Variants in CDK15 observed in about 807,000 individuals in gnomAD.
CDK15 encodes cyclin-dependent kinase 15.
In CDK15, 62 loss-of-function variants were observed where a neutral mutation model predicts 60.3. The observed-to-expected ratio is 1.03, with a 90% CI of 0.84 to 1.27. CDK15 has a LOEUF of 1.27. CDK15 is among the 50% of genes most tolerant of loss of function. The probability of loss-of-function intolerance (pLI) is 0.00; values close to 1 mark genes in which losing one functional copy is unlikely to be tolerated. For missense variants in CDK15, 541 were observed against 527.8 expected (o/e 1.03, Z -0.25); for synonymous variants, 194 against 195.7 (o/e 0.99, Z 0.07).
rs1174221212 is a variant in CDK15, at chr2:201,806,601, A to T, written c.-64A>T. 2.0e-6 allele frequency: 3 copies of T among 1,487,308 alleles called. No homozygotes were observed. In the African/African-American group the frequency reaches 4.1e-5, roughly 20 times the overall value. 92.1% of individuals were successfully genotyped at this position (1,487,308 alleles called of 1,614,324 possible). A position where few individuals can be genotyped will look rare whatever the true frequency, so the allele number is the denominator to read the frequency against. On this transcript the variant is annotated 5_prime_UTR_variant, in exon 1 of 14. Transcript: ENST00000652192. ...GACCTCTGGCAAAAAGGGAGAGAAC[A>T]AGGATAGGAGAGGCAGTGGGGGAAA...
At position 201,855,244 on chromosome 2, in the gene CDK15, A is replaced by G. The variant is rs558754256; in HGVS notation, c.1009+307A>G. On this transcript the variant is annotated intron_variant, in intron 10 of 13. Transcript: ENST00000652192. ...ATGGCTCAAAAGAACAACTCAAAAG[A>G]TGGGCTCACTTTTGGGCCCCCTGAC... 2.6e-5 allele frequency among the ~76,000 whole-genome samples: 4 copies of G among 152,328 alleles called. No homozygotes were observed. In the East Asian group the frequency reaches 7.7e-4, roughly 29 times the overall value.
chr2:201,834,123 A>T lies in CDK15; in HGVS notation c.730+152A>T, dbSNP rs542148995. On this transcript the variant is annotated intron_variant, in intron 7 of 13. Coordinates refer to ENST00000652192, the MANE Select transcript of CDK15 (RefSeq NM_001366386.2). Reference sequence around the variant, plus strand: ...ATCAAACTACCACAAAGGAAGTGTGAGGCACGAAACAGGGAGGGATTGGTA... The same window carrying T: ...ATCAAACTACCACAAAGGAAGTGTGTGGCACGAAACAGGGAGGGATTGGTA... 91 of 1,013,942 alleles carry T rather than the reference A, an allele frequency of 9.0e-5. No individual in the cohort carries two copies. The African/African-American group carries it at 1.3e-3, about 14-fold the overall frequency. 62.8% of individuals were successfully genotyped at this position (1,013,942 alleles called of 1,614,324 possible).
intron 4 of CDK15, among the ~76,000 whole-genome samples, chr2:201,815,473 TC>T (rs1695950413): frequency 6.6e-6 from 1 of 152,148 alleles, no homozygotes; most frequent in South Asian, 2.1e-4. Context: ...CCACCCTCAT[TC>T]CTTTGCTAAT....
At chr2:201,871,348 T>A (rs1416112299) in intron 10 of CDK15, among the ~76,000 whole-genome samples, 1 of 151,924 alleles carries the variant, frequency 6.6e-6, no homozygotes, top group Non-Finnish European at 1.5e-5. Context: ...CAGGTCTCAC[T>A]ATGTTGTCCA....
Position 201,818,914 on chromosome 2 carries a change from A to G in CDK15, c.449-3895A>G, listed in dbSNP as rs529762113. ...ACCACTAATTTAAAGATAAATATTT[A>G]TTGAGTGCCAGACATTGTTCCAGGC... On this transcript the variant is annotated intron_variant, in intron 4 of 13. Transcript: ENST00000652192. Among the ~76,000 whole-genome samples, 10 of 152,328 alleles carry G rather than the reference A, an allele frequency of 6.6e-5. No homozygotes were observed. In the South Asian group the frequency reaches 2.1e-3, roughly 32 times the overall value.
intron 10 of CDK15, among the ~76,000 whole-genome samples, chr2:201,863,388 T>TA (rs974192060): frequency 5.7e-4 from 86 of 149,892 alleles, no homozygotes; most frequent in Non-Finnish European, 8.5e-4. Context: ...ATTTATTAAT[T>TA]AAAAAATAAT....
intron 6 of CDK15, among the ~76,000 whole-genome samples, chr2:201,829,572 T>C (rs1173123817): frequency 6.6e-6 from 1 of 152,120 alleles, no homozygotes; most frequent in Non-Finnish European, 1.5e-5. Flanking sequence ...GAGGTGATTA[T>C]GGGATGTACA....
chr2:201,844,923 C>T (rs1414383081), intron 8 of CDK15, among the ~76,000 whole-genome samples: 2 of 152,026 alleles, frequency 1.3e-5, no homozygotes, highest in African/African-American at 4.8e-5. Flanking sequence ...CTGAGGCAGG[C>T]GGATCAATTG....
At chr2:201,833,755 A>G in intron 6 of CDK15, 93 bp from the exon 7 acceptor site, 1 of 1,091,116 alleles carries the variant, frequency 9.2e-7, no homozygotes, top group Non-Finnish European at 1.2e-6. Context: ...AGACACTTTT[A>G]CTATATTCTT....
rs1170971657 is a variant in CDK15, at chr2:201,823,741, G to A, written c.606+14G>A. 1 of 1,612,188 alleles carries A rather than the reference G, an allele frequency of 6.2e-7. No individual in the cohort carries two copies. The highest frequency in any genetic ancestry group is 1.1e-5 in the South Asian group (1 of 91,034). The stretch of plus-strand genomic sequence containing the variant: ...CATAATGTCAGAGTGAGTACGTTAA[G>A]GGTCAGGACCCTCTCCTGGCTTGCC... On this transcript the variant is annotated intron_variant, in intron 6 of 13. Transcript: ENST00000652192.
intron 6 of CDK15, among the ~76,000 whole-genome samples, chr2:201,825,491 G>A (rs1292890678): frequency 1.9e-5 from 2 of 106,246 alleles, no homozygotes; most frequent in Non-Finnish European, 3.9e-5. Flanking sequence ...AGGACAAAGG[G>A]TTAAAGAGAG....
At chr2:201,821,598 T>C (rs1411475665) in intron 4 of CDK15, among the ~76,000 whole-genome samples, 1 of 152,178 alleles carries the variant, frequency 6.6e-6, no homozygotes, top group East Asian at 1.9e-4. Flanking sequence ...TTTGAGTTTT[T>C]ATCCTTTACT....
In CDK15 at chr2:201,857,103, G is replaced by A. The variant is rs1411830367; in HGVS notation, c.1009+2166G>A. ...TAGCCGGGCGCGGTGGCGGGCGCCT[G>A]TAGTCCCAGCTACTCGGGAGGCTGA... On this transcript the variant is annotated intron_variant, in intron 10 of 13. Transcript: ENST00000652192. Among the ~76,000 whole-genome samples the A allele has an allele frequency of 1.2e-3, 94 of 81,368 alleles. 25 individuals are homozygous for A. The highest frequency in any genetic ancestry group is 3.8e-4 in the African/African-American group (4 of 10,402). 53.4% of individuals were successfully genotyped at this position (81,368 alleles called of 152,430 possible).
At chr2:201,889,015 G>T in intron 12 of CDK15, 1 of 985,362 alleles carries the variant, frequency 1.0e-6, no homozygotes. Context: ...ATCAACAAAT[G>T]GTATGATGGC....
At chr2:201,876,552 C>A in intron 11 of CDK15, 1 of 1,286,526 alleles carries the variant, frequency 7.8e-7, no homozygotes, top group Non-Finnish European at 1.0e-6. Context: ...GCCCGCTTTG[C>A]CCTGGTGACC....
At chr2:201,888,422 A>C in intron 12 of CDK15, 1 of 1,529,422 alleles carries the variant, frequency 6.5e-7, no homozygotes, top group Non-Finnish European at 8.7e-7. Context: ...TTCTCAAAAA[A>C]TTTTTAAACA....
intron 6 of CDK15, among the ~76,000 whole-genome samples, chr2:201,831,579 T>C (rs1696754323): frequency 6.6e-6 from 1 of 152,150 alleles, no homozygotes; most frequent in Non-Finnish European, 1.5e-5. Flanking sequence ...AGAAATGTGG[T>C]TATAAAATAC....
At chr2:201,806,881 T>C (rs901288390) in intron 1 of CDK15, 94 bp downstream of exon 1, 3 of 1,454,248 alleles carry the variant, frequency 2.1e-6, no homozygotes, top group East Asian at 2.3e-5. Context: ...TCTTCTGCGG[T>C]AGGTCTAAAC....
chr2:201,821,965 G>A (rs187608261), intron 4 of CDK15, among the ~76,000 whole-genome samples: 69 of 152,108 alleles, frequency 4.5e-4, no homozygotes, highest in African/African-American at 1.4e-3. Flanking sequence ...ACAAGCATGC[G>A]CTACCACGCC....
Sources: allele counts gnomAD v4.1 joint callset (sites outside exome capture counted in the v4.1 genomes callset), GRCh38; gene constraint gnomAD v4.1.1; transcripts MANE v1.5; gene names NCBI Gene and HGNC (gene_info 2026-07-23, HGNC 2026-07-21).